RIMKLB: variants seen among roughly 807,000 people sequenced by gnomAD.
The protein encoded by RIMKLB is ribosomal modification protein rimK like family member B, also known as beta-citrylglutamate synthase B.
A neutral mutation model predicts 32.0 loss-of-function variants in RIMKLB; 7 were observed. That is an observed-to-expected ratio of 0.22 (90% CI 0.12 to 0.41). RIMKLB has a LOEUF of 0.41. RIMKLB is among the 10% of genes least tolerant of loss of function. RIMKLB has a pLI of 1.00. For missense variants in RIMKLB, 289 were observed against 498.7 expected (o/e 0.58, Z 4.00); for synonymous variants, 172 against 185.1 (o/e 0.93, Z 0.57).
chr12:8,706,144 GT>G (rs1296888543), intron 1 of RIMKLB, among the ~76,000 whole-genome samples: 1 of 151,980 alleles, frequency 6.6e-6, no homozygotes, highest in African/African-American at 2.4e-5. Context: ...TCTTTGTTTT[GT>G]TTTTTGTTTT....
intron 2 of RIMKLB, among the ~76,000 whole-genome samples, chr12:8,717,709 A>C (rs1945001197): frequency 1.3e-5 from 2 of 152,196 alleles, no homozygotes; most frequent in African/African-American, 4.8e-5. Flanking sequence ...TGCCTGAACT[A>C]TTACAGTAAC....
At chr12:8,732,893 T>C (rs777180221) in intron 2 of RIMKLB, among the ~76,000 whole-genome samples, 1 of 152,322 alleles carries the variant, frequency 6.6e-6, no homozygotes, top group Admixed American at 6.5e-5. Flanking sequence ...AAATTCTTTA[T>C]TCTTCCATTT....
At chr12:8,756,774 C>T (rs1333425717) in intron 5 of RIMKLB, among the ~76,000 whole-genome samples, 1 of 149,254 alleles carries the variant, frequency 6.7e-6, no homozygotes, top group Non-Finnish European at 1.5e-5. Flanking sequence ...TCACTGCAAC[C>T]TCTGCCTCCC....
chr12:8,776,192 C>G lies in RIMKLB; in HGVS notation c.*2408C>G. The G allele has an allele frequency of 1.0e-6, 1 of 982,312 alleles. No individual in the cohort carries two copies. Among genetic ancestry groups the G allele is most frequent in the Non-Finnish European group, 1.2e-6 (1 of 827,144 alleles). The allele number at this position is 982,312 out of a possible 1,614,324, so 60.8% of individuals were successfully genotyped here. ...TCTTAACTTATACCAAATTAACCAA[C>G]TATATTATAGGAAATATGTGAAATT... On this transcript the variant is annotated 3_prime_UTR_variant, in exon 6 of 6. Transcript: ENST00000535829.
chr12:8,713,123 T>C (rs1162079656), intron 1 of RIMKLB, among the ~76,000 whole-genome samples: 1 of 152,214 alleles, frequency 6.6e-6, no homozygotes, highest in Non-Finnish European at 1.5e-5. Flanking sequence ...AATAAAAACA[T>C]TGAGTAAGAG....
chr12:8,742,562 G>A (rs1296762570), intron 2 of RIMKLB: 1 of 349,408 alleles, frequency 2.9e-6, no homozygotes, highest in Non-Finnish European at 5.5e-6. Flanking sequence ...AAGAAAAAGT[G>A]ATGGCATCTG....
At position 8,775,509 on chromosome 12, in the gene RIMKLB, C is replaced by T; in HGVS notation, c.*1725C>T. On this transcript the variant is annotated 3_prime_UTR_variant, in exon 6 of 6. Transcript: ENST00000535829. The stretch of plus-strand genomic sequence containing the variant: ...AATCCTCTGAAGCTTTTACCCAAGC[C>T]CTTTCTTGCCTCTCCAGTGCTATTT... 4 of 985,724 alleles carry T rather than the reference C, an allele frequency of 4.1e-6. No homozygotes were observed. Among genetic ancestry groups the T allele is most frequent in the Non-Finnish European group, 4.8e-6 (4 of 829,898 alleles). 61.1% of individuals were successfully genotyped at this position (985,724 alleles called of 1,614,324 possible).
In RIMKLB at chr12:8,719,425, A is replaced by G. The variant is rs140082606; in HGVS notation, c.175+5384A>G. 8.9e-4 allele frequency among the ~76,000 whole-genome samples: 135 copies of G among 152,044 alleles called. 1 individual carries two copies. In the East Asian group the frequency reaches 0.017, roughly 19 times the overall value. On this transcript the variant is annotated intron_variant, in intron 2 of 5. Coordinates refer to ENST00000535829, the MANE Select transcript of RIMKLB (RefSeq NM_001297776.2). ...CTCTTGTCGCCCAGGCTAGACTGCAATGGTGCGATCTCGGCTCACTGCAAC... is the reference window on the plus strand; with the variant it reads ...CTCTTGTCGCCCAGGCTAGACTGCAGTGGTGCGATCTCGGCTCACTGCAAC...
intron 1 of RIMKLB, among the ~76,000 whole-genome samples, chr12:8,702,314 A>G (rs1404375018): frequency 6.6e-6 from 1 of 152,194 alleles, no homozygotes; most frequent in Non-Finnish European, 1.5e-5. Context: ...GATTCTTAGG[A>G]AATGCGTACT....
At chr12:8,759,115 T>C (rs1404782636) in intron 5 of RIMKLB, among the ~76,000 whole-genome samples, 3 of 152,140 alleles carry the variant, frequency 2.0e-5, no homozygotes, top group Non-Finnish European at 2.9e-5. Flanking sequence ...AAAAAATGTA[T>C]GGCCAGGCAC....
intron 2 of RIMKLB, chr12:8,742,833 T>C: frequency 5.2e-6 from 1 of 193,018 alleles, no homozygotes. Flanking sequence ...CACCAACCTT[T>C]CACAGAGACA....
chr12:8,670,003 G>A, the RIMKLB span, among the ~76,000 whole-genome samples: 4 of 145,182 alleles, frequency 2.8e-5, no homozygotes, highest in African/African-American at 8.0e-5. Context: ...CTCCAGCCTG[G>A]GCGACAGAGC....
intron 1 of RIMKLB, among the ~76,000 whole-genome samples, chr12:8,684,381 C>T (rs905539430): frequency 6.6e-6 from 1 of 152,102 alleles, no homozygotes; most frequent in Non-Finnish European, 1.5e-5. Flanking sequence ...CTATGTTGGC[C>T]AGGGTGGTCT....
chr12:8,703,340 TTTTA>T (rs1159243350), intron 1 of RIMKLB, among the ~76,000 whole-genome samples: 1 of 152,098 alleles, frequency 6.6e-6, no homozygotes, highest in African/African-American at 2.4e-5. Flanking sequence ...AGAAGAACTT[TTTTA>T]AGGCAGGGTT....
In RIMKLB at chr12:8,773,488, A is replaced by G. The variant is rs752955177; in HGVS notation, c.865A>G (p.Lys289Glu). ...AAATGTAGGTTTCATCGCCTTTGAT[A>G]AGGCTTGTAATCTAGATGTAGCTGG... ...NANVGFIAFD[K>E]ACNLDVAGII... Residue 289 changes from lysine (K) to glutamate (E), a missense_variant, in exon 6 of 6, where the codon AAG becomes GAG. By Grantham distance (56) the Lys-to-Glu change is moderately conservative. This residue lies in a region of RIMKLB where 99 missense variants were observed against 133.9 expected (regional missense o/e 0.74). Coordinates refer to ENST00000535829, the MANE Select transcript of RIMKLB (RefSeq NM_001297776.2). 6.2e-7 allele frequency: 1 copy of G among 1,614,196 alleles called. No homozygotes were observed. The highest frequency in any genetic ancestry group is 1.1e-5 in the South Asian group (1 of 91,086).
intron 1 of RIMKLB, among the ~76,000 whole-genome samples, chr12:8,698,766 T>C (rs190277809): frequency 1.3e-4 from 20 of 150,006 alleles, no homozygotes; most frequent in Admixed American, 2.0e-4. Context: ...CGTGGTGCGG[T>C]CCCGCAGCTA....
chr12:8,773,687 C>T lies in RIMKLB; in HGVS notation c.1064C>T (p.Pro355Leu). The T allele has an allele frequency of 6.2e-7, 1 of 1,614,244 alleles. No individual in the cohort carries two copies. Among genetic ancestry groups the T allele is most frequent in the Non-Finnish European group, 8.5e-7 (1 of 1,180,044 alleles). ...SASSSSVDSD[P>L]ESTERELLTK... ...AGTTCCAGCTCTGTTGACAGCGACC[C>T]TGAAAGCACGGAGCGAGAGCTGCTC... The change falls in exon 6 of 6, where the codon CCT becomes CTT. Residue 355 changes from proline (P) to leucine (L), a missense_variant. Transcript: ENST00000535829.
chr12:8,722,273 G>A (rs1210528597), intron 2 of RIMKLB, among the ~76,000 whole-genome samples: 1 of 151,210 alleles, frequency 6.6e-6, no homozygotes, highest in Non-Finnish European at 1.5e-5. Flanking sequence ...TCCATGTTGT[G>A]TTAGCAGCTA....
intron 2 of RIMKLB, among the ~76,000 whole-genome samples, chr12:8,746,468 C>T (rs911618846): frequency 6.6e-6 from 1 of 151,308 alleles, no homozygotes; most frequent in Non-Finnish European, 1.5e-5. Flanking sequence ...CGCGGTGGTG[C>T]ATGCCTGTGG....
Sources: gnomAD v4.1 joint callset for allele counts (sites outside exome capture counted in the v4.1 genomes callset) on GRCh38, gnomAD v4.1.1 for gene constraint, gnomAD v4.1.1 regional missense constraint, MANE v1.5 for transcripts, NCBI Gene and HGNC (gene_info 2026-07-23, HGNC 2026-07-21) for gene names.